The following PTPRU variants were observed in gnomAD, a reference collection of about 807,000 sequenced individuals.
The protein encoded by PTPRU is protein tyrosine phosphatase receptor type U.
Under a neutral mutation model 166.3 loss-of-function variants are expected in PTPRU, and 69 were observed. The observed-to-expected ratio is 0.41, with a 90% CI of 0.34 to 0.51. The LOEUF is 0.51. Ranked by LOEUF, PTPRU falls within the 20% of genes least tolerant of loss-of-function variation. The pLI is 0.09. For missense variants in PTPRU, 1,657 were observed against 2,013.7 expected (o/e 0.82, Z 3.39); for synonymous variants, 793 against 814.0 (o/e 0.97, Z 0.44).
At chr1:29,265,370 C>CT (rs36081126) in intron 7 of PTPRU, among the ~76,000 whole-genome samples, 6,617 of 149,030 alleles carry the variant, frequency 0.044, 146 homozygotes, top group Middle Eastern at 0.098. Flanking sequence ...TTCTTTTCCT[C>CT]TTTTTTTTTT....
intron 2 of PTPRU, 65 bp from the exon 3 acceptor site, chr1:29,258,440 T>G: frequency 6.5e-7 from 1 of 1,545,908 alleles, no homozygotes; most frequent in Non-Finnish European, 8.8e-7. Flanking sequence ...AGTGCTCCCC[T>G]TGCCCTGGCC....
rs1416470362 is a variant in PTPRU at position 29,271,165 on chromosome 1, C to T, written c.1145-4283C>T. Among the ~76,000 whole-genome samples the T allele has an allele frequency of 6.6e-6, 1 of 152,196 alleles. No homozygotes were observed. The highest frequency in any genetic ancestry group is 2.4e-5 in the African/African-American group (1 of 41,452). On this transcript the variant is annotated intron_variant, in intron 7 of 29. Transcript: ENST00000373779. The surrounding 1 kb of genome is among the most constrained non-coding windows in gnomAD (Gnocchi z 4.4). ...ATGTTATCCTCATTGTTTTAATGTG[C>T]ATTTTGACCTCTGATCTCGGAGTGA...
intron 15 of PTPRU, among the ~76,000 whole-genome samples, chr1:29,300,507 A>G (rs1224327902): frequency 1.3e-5 from 2 of 152,160 alleles, no homozygotes; most frequent in East Asian, 1.9e-4. Flanking sequence ...ATCATCTTGC[A>G]TACCTACGAT....
chr1:29,259,428 G>A (rs758701559), intron 4 of PTPRU, 21 bp from the exon 5 acceptor site: 28 of 1,607,950 alleles, frequency 1.7e-5, no homozygotes, highest in Non-Finnish European at 2.2e-5. Flanking sequence ...CCCAGCTCAC[G>A]ATGCAGCTCT....
chr1:29,259,349 C>T lies in PTPRU; in HGVS notation c.559+7C>T, dbSNP rs1684918726. The T allele has an allele frequency of 6.2e-7, 1 of 1,613,550 alleles. No homozygotes were observed. The highest frequency in any genetic ancestry group is 1.1e-5 in the South Asian group (1 of 91,032). On this transcript the variant is annotated splice_region_variant and intron_variant, in intron 4 of 29. Transcript: ENST00000373779. ...CTTCTCAGCTACCCCTGCGGTGAGT[C>T]CCAGCCCACTGGGGGCGCAGGGGTA... is the stretch of plus-strand genomic sequence containing the variant.
intron 15 of PTPRU, among the ~76,000 whole-genome samples, chr1:29,303,377 C>G (rs545360388): frequency 3.9e-4 from 59 of 152,328 alleles, no homozygotes; most frequent in Non-Finnish European, 1.9e-4. Flanking sequence ...GGCGCCTATT[C>G]GGGTGCCTGG....
Position 29,279,370 on chromosome 1 carries a change from C to T in PTPRU, c.1564-86C>T, listed in dbSNP as rs1685955704. On this transcript the variant is annotated intron_variant, in intron 9 of 29. Transcript: ENST00000373779. This position sits in a 1 kb window ranked among gnomAD's most constrained non-coding sequence, Gnocchi z 5.2. ...CTCCTTTGCTTAGCCTTATCTCTCA[C>T]TTCCCTGGGACATGGTGGGTGGAGG... The T allele has an allele frequency of 7.6e-6, 11 of 1,442,032 alleles. No homozygotes were observed. Among genetic ancestry groups the T allele is most frequent in the Non-Finnish European group, 1.1e-5 (11 of 1,029,274 alleles). The allele number at this position is 1,442,032 out of a possible 1,614,324, so 89.3% of individuals were successfully genotyped here.
chr1:29,318,769 C>G lies in PTPRU; in HGVS notation c.3687+848C>G, dbSNP rs187682991. ...GCAGGAGCAATTGAGTGCACACTTT[C>G]CAAGGGTAGGCTGGCCTGGAAAAAG... On this transcript the variant is annotated intron_variant, in intron 25 of 29. Transcript: ENST00000373779. Among the ~76,000 whole-genome samples, 258 of 152,326 alleles carry G rather than the reference C, an allele frequency of 1.7e-3. 1 individual carries two copies. The highest frequency in any genetic ancestry group is 5.9e-3 in the African/African-American group (245 of 41,550).
rs1687683602 is a variant in PTPRU, at chr1:29,311,907, G to C, written c.3072+148G>C. The C allele has an allele frequency of 1.2e-6, 1 of 811,506 alleles. No homozygotes were observed. The highest frequency in any genetic ancestry group is 1.7e-5 in the South Asian group (1 of 60,086). 50.3% of individuals were successfully genotyped at this position (811,506 alleles called of 1,614,324 possible). A position where few individuals can be genotyped will look rare whatever the true frequency, so the allele number is the denominator to read the frequency against. On this transcript the variant is annotated intron_variant, in intron 21 of 29. Coordinates refer to ENST00000373779, the MANE Select transcript of PTPRU (RefSeq NM_133178.4). This position sits in a 1 kb window ranked among gnomAD's most constrained non-coding sequence, Gnocchi z 4.1. Reference sequence around the variant, plus strand: ...GAAGCTACTTGGTCACTGTTGGCTGGGAGCACTCTAGAAGGGCAGGAAGGT... The same window carrying C: ...GAAGCTACTTGGTCACTGTTGGCTGCGAGCACTCTAGAAGGGCAGGAAGGT...
At chr1:29,241,418 A>T (rs1290784574) in intron 1 of PTPRU, among the ~76,000 whole-genome samples, 1 of 151,748 alleles carries the variant, frequency 6.6e-6, no homozygotes, top group African/African-American at 2.4e-5. Flanking sequence ...GTGTCCAGGT[A>T]TGGGGCTGGC....
intron 14 of PTPRU, 24 bp downstream of exon 14, chr1:29,284,893 C>T (rs1686272323): frequency 6.3e-7 from 1 of 1,590,908 alleles, no homozygotes; most frequent in Non-Finnish European, 8.6e-7. Context: ...GTGCCCTGTC[C>T]CACCAGTGGC....
At position 29,323,430 on chromosome 1, in the gene PTPRU, G is replaced by A; in HGVS notation, c.3888G>A (p.Glu1296=). ...AGCAATATGGCCTCATGGAGGTGGA[G>A]TTTATGTCGGGCACAGCTGATGAAG... ...GRQQYGLMEV[E]FMSGTADEDL... is the part of the protein sequence containing the mutation. Residue 1296 remains glutamate (E), a synonymous_variant, in exon 27 of 30, where the codon GAG becomes GAA. Coordinates refer to ENST00000373779, the MANE Select transcript of PTPRU (RefSeq NM_133178.4). The A allele has an allele frequency of 6.2e-7, 1 of 1,610,564 alleles. No individual in the cohort carries two copies. The highest frequency in any genetic ancestry group is 8.5e-7 in the Non-Finnish European group (1 of 1,178,414).
chr1:29,278,704 C>T (rs548092399), intron 8 of PTPRU, among the ~76,000 whole-genome samples: 1 of 152,178 alleles, frequency 6.6e-6, no homozygotes, highest in Non-Finnish European at 1.5e-5. Context: ...AGCCTTCAAA[C>T]GTATTTCTCT....
intron 15 of PTPRU, among the ~76,000 whole-genome samples, chr1:29,293,471 G>GTTTTT (rs201996423): frequency 3.7e-5 from 5 of 135,314 alleles, no homozygotes; most frequent in East Asian, 2.4e-4. Context: ...TTCGGGGGTA[G>GTTTTT]TTTTTTGTTT....
At chr1:29,325,078 C>T (rs556188607) in intron 28 of PTPRU, 113 bp from the exon 29 acceptor site, 3 of 1,424,374 alleles carry the variant, frequency 2.1e-6, no homozygotes, top group East Asian at 4.6e-5. Context: ...TCTAGATTCC[C>T]TAGCTCCGTC....
At chr1:29,289,713 G>A (rs760447683) in intron 14 of PTPRU, 6 of 1,613,946 alleles carry the variant, frequency 3.7e-6, no homozygotes, top group South Asian at 1.1e-5. Flanking sequence ...CCTACTACCC[G>A]TAAGTAGCTC....
chr1:29,288,171 T>A (rs769307552), intron 14 of PTPRU, among the ~76,000 whole-genome samples: 1 of 152,174 alleles, frequency 6.6e-6, no homozygotes, highest in Non-Finnish European at 1.5e-5. Flanking sequence ...TGAAGTTCTT[T>A]TATTTATTTT....
intron 7 of PTPRU, among the ~76,000 whole-genome samples, chr1:29,274,485 T>G (rs182677494): frequency 6.6e-6 from 1 of 152,356 alleles, no homozygotes; most frequent in East Asian, 1.9e-4. Flanking sequence ...ACCACTGAAT[T>G]TGAACCTTAT....
chr1:29,269,585 A>G (rs1179604943), intron 7 of PTPRU, among the ~76,000 whole-genome samples: 1 of 151,948 alleles, frequency 6.6e-6, no homozygotes, highest in African/African-American at 2.4e-5. Flanking sequence ...CTCTTTGTTG[A>G]CATCATGGCC....
Sources: allele counts gnomAD v4.1 joint callset (sites outside exome capture counted in the v4.1 genomes callset), GRCh38; gene constraint gnomAD v4.1.1; non-coding constraint Gnocchi (gnomAD v3.1); transcripts MANE v1.5; gene names NCBI Gene and HGNC (gene_info 2026-07-23, HGNC 2026-07-21).